GAB1: variants seen among roughly 807,000 people sequenced by gnomAD.
The protein encoded by GAB1 is GRB2 associated binding protein 1.
Under a neutral mutation model 66.5 loss-of-function variants are expected in GAB1, and 19 were observed. The ratio of observed to expected loss-of-function variants is 0.29; its 90% CI spans 0.20 to 0.42. The LOEUF (loss-of-function observed/expected upper bound fraction) is 0.42, where lower values mean the gene tolerates loss of function less well. GAB1 is among the 10% of genes least tolerant of loss of function. GAB1 has a pLI of 1.00. For missense variants in GAB1, 732 were observed against 858.5 expected, an observed-to-expected ratio of 0.85 and a Z score of 1.84; for synonymous variants, 294 against 301.4, an observed-to-expected ratio of 0.98 and a Z score of 0.25.
chr4:143,429,856 G>A (rs1733556891), intron 2 of GAB1, among the ~76,000 whole-genome samples: 1 of 152,098 alleles, frequency 6.6e-6, no homozygotes, highest in African/African-American at 2.4e-5. Context: ...TCCAAATTCT[G>A]GAGAAGAGAG....
chr4:143,398,719 TC>T (rs1409833138), intron 1 of GAB1, among the ~76,000 whole-genome samples: 2 of 152,164 alleles, frequency 1.3e-5, no homozygotes, highest in African/African-American at 4.8e-5. Context: ...GTGTCTGTTA[TC>T]TTCATATTTA....
At chr4:143,338,009 A>C (rs1007604157) in intron 1 of GAB1, among the ~76,000 whole-genome samples, 11 of 152,336 alleles carry the variant, frequency 7.2e-5, no homozygotes, top group African/African-American at 2.6e-4. Context: ...GGACAGCTGA[A>C]GCCAGAAGGG....
rs1018709805 is a variant in GAB1, at chr4:143,473,177, G to A, written c.*3988G>A. The A allele has an allele frequency of 6.6e-6, 1 of 152,106 alleles. No homozygotes were observed. The highest frequency in any genetic ancestry group is 2.4e-5 in the African/African-American group (1 of 41,428). The allele number at this position is 152,106 out of a possible 1,614,324, so 9.4% of individuals were successfully genotyped here. On this transcript the variant is annotated 3_prime_UTR_variant, in exon 10 of 10. Transcript: ENST00000262994. ...TTTATGTAAGTTCTTGATTACTGAT[G>A]ATCATCCCAAATTTTGACAACAAAA...
intron 1 of GAB1, among the ~76,000 whole-genome samples, chr4:143,401,824 G>A (rs987464065): frequency 2.1e-5 from 3 of 144,592 alleles, no homozygotes; most frequent in African/African-American, 7.7e-5. Context: ...TGATGCTGGC[G>A]AGATTATGTA....
chr4:143,360,502 T>C (rs1290432368), intron 1 of GAB1, among the ~76,000 whole-genome samples: 1 of 152,130 alleles, frequency 6.6e-6, no homozygotes, highest in Non-Finnish European at 1.5e-5. Context: ...GAAAATAAAA[T>C]TAGGTTTGGG....
intron 1 of GAB1, among the ~76,000 whole-genome samples, chr4:143,411,304 G>A (rs1265666718): frequency 6.6e-6 from 1 of 152,118 alleles, no homozygotes; most frequent in African/African-American, 2.4e-5. Context: ...TTGACTTCTT[G>A]TTAACAAATT....
At chr4:143,416,837 G>A (rs1208453111) in intron 2 of GAB1, among the ~76,000 whole-genome samples, 2 of 152,188 alleles carry the variant, frequency 1.3e-5, no homozygotes, top group Non-Finnish European at 2.9e-5. Context: ...CTAAGCATGT[G>A]GGAGTTATTT....
intron 1 of GAB1, among the ~76,000 whole-genome samples, chr4:143,386,356 A>G (rs998537233): frequency 6.6e-6 from 1 of 152,176 alleles, no homozygotes; most frequent in Non-Finnish European, 1.5e-5. Flanking sequence ...CATGTACACC[A>G]TATGCATAGC....
intron 1 of GAB1, among the ~76,000 whole-genome samples, chr4:143,394,295 A>T (rs892435048): frequency 1.3e-5 from 2 of 152,164 alleles, no homozygotes; most frequent in African/African-American, 4.8e-5. Context: ...AACAAAAAAA[A>T]GGTAGTCAGC....
intron 1 of GAB1, among the ~76,000 whole-genome samples, chr4:143,411,105 G>A (rs1341887261): frequency 6.6e-6 from 1 of 152,122 alleles, no homozygotes; most frequent in Non-Finnish European, 1.5e-5. Flanking sequence ...GTGGTTGGAA[G>A]GCAGAGGGGC....
At chr4:143,452,662 T>A (rs1734986043) in intron 6 of GAB1, among the ~76,000 whole-genome samples, 1 of 152,230 alleles carries the variant, frequency 6.6e-6, no homozygotes, top group South Asian at 2.1e-4. Context: ...TCTCTAATCG[T>A]ACTCCAAATT....
chr4:143,433,533 A>G lies in GAB1; in HGVS notation c.410A>G (p.Asp137Gly). ...GGCAGCTCTTTACAAGCACCAGCTG[A>G]TTTACCTTTAGCTATAAATACAGCA... ...PPGSSLQAPA[D>G]LPLAINTAPP... Residue 137 changes from aspartate (D) to glycine (G), a missense_variant, in exon 3 of 10, where the codon GAT (aspartate) becomes GGT (glycine). By Grantham distance (94) the Asp-to-Gly change is moderately conservative. Coordinates refer to ENST00000262994, the MANE Select transcript of GAB1 (RefSeq NM_002039.4). The G allele has an allele frequency of 6.2e-7, 1 of 1,613,976 alleles. No homozygotes were observed.
intron 1 of GAB1, among the ~76,000 whole-genome samples, chr4:143,396,625 T>C (rs1731468494): frequency 6.6e-6 from 1 of 152,180 alleles, no homozygotes; most frequent in Admixed American, 6.5e-5. Flanking sequence ...AAGTCATATA[T>C]AAGCATATTA....
At chr4:143,376,511 A>G (rs989359527) in intron 1 of GAB1, among the ~76,000 whole-genome samples, 1 of 152,240 alleles carries the variant, frequency 6.6e-6, no homozygotes, top group African/African-American at 2.4e-5. Flanking sequence ...ATCAAAAAAG[A>G]GATATAGAAG....
chr4:143,350,602 CG>C (rs1180090831), intron 1 of GAB1, among the ~76,000 whole-genome samples: 1 of 147,422 alleles, frequency 6.8e-6, no homozygotes, highest in Non-Finnish European at 1.5e-5. Flanking sequence ...CGCTTGAACC[CG>C]GGAGGCGGAG....
chr4:143,467,533 A>G (rs755386495), intron 9 of GAB1, among the ~76,000 whole-genome samples: 1 of 152,074 alleles, frequency 6.6e-6, no homozygotes, highest in Non-Finnish European at 1.5e-5. Context: ...TCCTTTTTCA[A>G]TATCTGAAGT....
chr4:143,387,280 C>T (rs767419648), intron 1 of GAB1, among the ~76,000 whole-genome samples: 7 of 152,138 alleles, frequency 4.6e-5, no homozygotes, highest in Non-Finnish European at 8.8e-5. Flanking sequence ...TACAGGCATG[C>T]GCCACCACGC....
At chr4:143,385,023 C>T (rs1730835618) in intron 1 of GAB1, among the ~76,000 whole-genome samples, 1 of 152,166 alleles carries the variant, frequency 6.6e-6, no homozygotes, top group Non-Finnish European at 1.5e-5. Context: ...AACACAGTGG[C>T]TTGTCCTTGA....
At chr4:143,385,540 T>G (rs1003009516) in intron 1 of GAB1, among the ~76,000 whole-genome samples, 3 of 152,248 alleles carry the variant, frequency 2.0e-5, no homozygotes, top group Admixed American at 6.5e-5. Flanking sequence ...GAAAAATTCC[T>G]TCCTCTCGTT....
Sources: allele counts gnomAD v4.1 joint callset (sites outside exome capture counted in the v4.1 genomes callset), GRCh38; gene constraint gnomAD v4.1.1; transcripts MANE v1.5; gene names NCBI Gene and HGNC (gene_info 2026-07-23, HGNC 2026-07-21).